TGOLN2: variants seen among roughly 807,000 people sequenced by gnomAD.
TGOLN2 encodes the protein trans-Golgi network integral membrane protein 2.
Under a neutral mutation model 31.3 loss-of-function variants are expected in TGOLN2, and 19 were observed. The observed-to-expected ratio is 0.61, with a 90% CI of 0.42 to 0.89. TGOLN2 has a LOEUF of 0.89. TGOLN2 is among the 40% of genes least tolerant of loss of function. The pLI, the probability that TGOLN2 is intolerant of heterozygous loss-of-function variation, is 0.00. For missense variants in TGOLN2, 540 were observed against 559.2 expected, an observed-to-expected ratio of 0.97 and a Z score of 0.35; for synonymous variants, 222 against 226.7, an observed-to-expected ratio of 0.98 and a Z score of 0.19.
chr2:85,327,073 C>A lies in TGOLN2; in HGVS notation c.659G>T (p.Gly220Val), dbSNP rs748222470. Residue 220 changes from glycine to valine, a missense_variant, in exon 2 of 4, where the codon GGC becomes GTC. By Grantham distance (109) the Gly-to-Val change is moderately radical. Coordinates refer to ENST00000377386, the MANE Select transcript of TGOLN2 (RefSeq NM_006464.4). ...CTCCTCTGCACCGGACTTGTTAGAG[C>A]CGTCTTTTGGAGTCTGCTTCTCCGC... Reference protein sequence around the residue: ...SGAEKQTPKDGSNKSGAEEQG... With the variant: ...SGAEKQTPKDVSNKSGAEEQG... 5 of 1,613,024 alleles carry A rather than the reference C, an allele frequency of 3.1e-6. No homozygotes were observed. The highest frequency in any genetic ancestry group is 4.2e-6 in the Non-Finnish European group (5 of 1,179,582).
chr2:85,320,790 C>T lies in TGOLN2; in HGVS notation c.*1946G>A, dbSNP rs1682520439. 6.6e-6 allele frequency: 1 copy of T among 152,206 alleles called. No individual in the cohort carries two copies. The highest frequency in any genetic ancestry group is 1.5e-5 in the Non-Finnish European group (1 of 68,042). 9.4% of individuals were successfully genotyped at this position (152,206 alleles called of 1,614,324 possible). ...AAGGCAAAGGACCATTTGTCAGAGA[C>T]ACCAAGAAAGGGGAATTTCCATTTG... On this transcript the variant is annotated 3_prime_UTR_variant, in exon 4 of 4. Transcript: ENST00000377386.
At position 85,327,604 on chromosome 2, in the gene TGOLN2, TG is replaced by T. The variant is rs1325834879; in HGVS notation, c.127del (p.His43ThrfsTer4). 1 of 1,613,798 alleles carries T rather than the reference TG, an allele frequency of 6.2e-7. No homozygotes were observed. Among genetic ancestry groups the T allele is most frequent in the East Asian group, 2.2e-5 (1 of 44,874 alleles). On this transcript the variant is annotated frameshift_variant, in exon 2 of 4. Coordinates refer to ENST00000377386, the MANE Select transcript of TGOLN2 (RefSeq NM_006464.4). LOFTEE classifies it high-confidence loss of function. ...VRPSAGNVST[H>X]PSLSQRPGGS... is the part of the protein sequence containing the mutation. ...TCCAGGCCGTTGGCTCAAGCTGGGG[TG>T]GGTGGAGACGTTTCCTGCAGAAGGC...
At chr2:85,324,664 AT>A in intron 3 of TGOLN2, 1 of 527,044 alleles carries the variant, frequency 1.9e-6, no homozygotes, top group Non-Finnish European at 3.4e-6. Flanking sequence ...GCGTGGGCCT[AT>A]TTCCTCATCT....
Position 85,326,870 on chromosome 2 carries a change from T to G in TGOLN2, c.862A>C (p.Lys288Gln), listed in dbSNP as rs767934997. ...ADTNQLADKG[K>Q]LSPHAFKTES... is the part of the protein sequence containing the mutation. ...GTTTTGAAAGCATGAGGAGAAAGCT[T>G]CCCTTTGTCAGCAAGCTGGTTTGTG... Residue 288 changes from lysine to glutamine, a missense_variant, in exon 2 of 4, where the codon AAG becomes CAG. By Grantham distance (53) the Lys-to-Gln change is moderately conservative. Coordinates refer to ENST00000377386, the MANE Select transcript of TGOLN2 (RefSeq NM_006464.4). 1 of 1,614,016 alleles carries G rather than the reference T, an allele frequency of 6.2e-7. No homozygotes were observed. The highest frequency in any genetic ancestry group is 1.1e-5 in the South Asian group (1 of 91,088).
In TGOLN2 at chr2:85,319,881, A is replaced by T. The variant is rs1001651469; in HGVS notation, c.*2855T>A. On this transcript the variant is annotated 3_prime_UTR_variant, in exon 4 of 4. Transcript: ENST00000377386. ...GTTTTCTTAGGGAGACCAGAAAGACATCAGATCCTGACTGCCCTGTTTTGC... is the reference window on the plus strand; with the variant it reads ...GTTTTCTTAGGGAGACCAGAAAGACTTCAGATCCTGACTGCCCTGTTTTGC... 4 of 152,330 alleles carry T rather than the reference A, an allele frequency of 2.6e-5. No individual in the cohort carries two copies. Among genetic ancestry groups the T allele is most frequent in the Non-Finnish European group, 5.9e-5 (4 of 68,102 alleles). The allele number at this position is 152,330 out of a possible 1,614,324, so 9.4% of individuals were successfully genotyped here.
chr2:85,325,067 G>GA (rs2104412973), intron 2 of TGOLN2, 69 bp from the exon 3 acceptor site: 1 of 1,424,626 alleles, frequency 7.0e-7, no homozygotes, highest in East Asian at 2.5e-5. Context: ...TCTGAACTCA[G>GA]AGGCAGTCAC....
chr2:85,326,973 A>G lies in TGOLN2; in HGVS notation c.759T>C (p.Val253=). The G allele has an allele frequency of 6.2e-7, 1 of 1,613,952 alleles. No individual in the cohort carries two copies. The highest frequency in any genetic ancestry group is 1.1e-5 in the South Asian group (1 of 91,074). ...GGTCTTTCCGGGAAGGCTGCTCTGGAACCACCTTGTTAGGGCTGTCTTTTG... is the reference window on the plus strand; with the variant it reads ...GGTCTTTCCGGGAAGGCTGCTCTGGGACCACCTTGTTAGGGCTGTCTTTTG... The part of the protein sequence containing the change: ...QTSKDSPNKV[V]PEQPSRKDHS... The change falls in exon 2 of 4, where the codon GTT becomes GTC. Residue 253 remains valine (V), a synonymous_variant. Coordinates refer to ENST00000377386, the MANE Select transcript of TGOLN2 (RefSeq NM_006464.4).
rs765296695 is a variant in TGOLN2 at position 85,327,443 on chromosome 2, T to C, written c.289A>G (p.Lys97Glu). 9.3e-6 allele frequency: 15 copies of C among 1,612,916 alleles called. No homozygotes were observed. In the East Asian group the frequency reaches 2.9e-4, roughly 31 times the overall value. Residue 97 changes from lysine to glutamate, a missense_variant, in exon 2 of 4, where the codon AAG becomes GAG. Physicochemically the swap from Lys to Glu is moderately conservative, Grantham distance 56. Coordinates refer to ENST00000377386, the MANE Select transcript of TGOLN2 (RefSeq NM_006464.4). Reference sequence around the variant, plus strand: ...TGGGTCTTTGCCTCCGCACCCGACTTGTTGGAGCTGTCTTTTTGGGTCTTT... The same window carrying C: ...TGGGTCTTTGCCTCCGCACCCGACTCGTTGGAGCTGTCTTTTTGGGTCTTT... Reference protein sequence around the residue: ...EAKTQKDSSNKSGAEAKTQKG... With the variant: ...EAKTQKDSSNESGAEAKTQKG...
At position 85,320,310 on chromosome 2, in the gene TGOLN2, G is replaced by C. The variant is rs1029211724; in HGVS notation, c.*2426C>G. 6.6e-6 allele frequency: 1 copy of C among 152,198 alleles called. No individual in the cohort carries two copies. The highest frequency in any genetic ancestry group is 2.4e-5 in the African/African-American group (1 of 41,450). 9.4% of individuals were successfully genotyped at this position (152,198 alleles called of 1,614,324 possible). On this transcript the variant is annotated 3_prime_UTR_variant, in exon 4 of 4. Coordinates refer to ENST00000377386, the MANE Select transcript of TGOLN2 (RefSeq NM_006464.4). The stretch of plus-strand genomic sequence containing the variant: ...GAAAGATCAGTCTTTCCAAGAGTGA[G>C]CTCCTTTCCAAGAAGCTGGACAGGA...
intron 2 of TGOLN2, 92 bp from the exon 3 acceptor site, chr2:85,325,090 T>C (rs1287555007): frequency 8.5e-7 from 1 of 1,170,422 alleles, no homozygotes; most frequent in East Asian, 2.5e-5. Flanking sequence ...GGTAGCATAT[T>C]TGTTAATGAC....
At chr2:85,326,192 C>T (rs77297769) in intron 2 of TGOLN2, among the ~76,000 whole-genome samples, 2 of 152,294 alleles carry the variant, frequency 1.3e-5, no homozygotes, top group African/African-American at 4.8e-5. Context: ...CTGTCAAGTA[C>T]TCAGGTCCTC....
chr2:85,325,231 G>A (rs966561074), intron 2 of TGOLN2, among the ~76,000 whole-genome samples: 1 of 152,186 alleles, frequency 6.6e-6, no homozygotes, highest in Non-Finnish European at 1.5e-5. Context: ...AAGGCTGTCT[G>A]AGCTCTAGCG....
intron 3 of TGOLN2, 67 bp from the exon 4 acceptor site, chr2:85,322,808 C>T: frequency 1.3e-6 from 2 of 1,581,812 alleles, no homozygotes; most frequent in Non-Finnish European, 1.7e-6. Context: ...TACTGACCCA[C>T]CACCACAGAA....
At chr2:85,325,083 A>G (rs1682685540) in intron 2 of TGOLN2, 85 bp from the exon 3 acceptor site, 3 of 1,300,038 alleles carry the variant, frequency 2.3e-6, no homozygotes, top group Non-Finnish European at 2.2e-6. Flanking sequence ...GTCACCTGGT[A>G]GCATATTTGT....
intron 2 of TGOLN2, among the ~76,000 whole-genome samples, 172 bp downstream of exon 2, chr2:85,326,336 C>T (rs1023581295): frequency 1.3e-5 from 2 of 152,158 alleles, no homozygotes; most frequent in Non-Finnish European, 2.9e-5. Flanking sequence ...AGGATGAAAA[C>T]ACGATTAACA....
rs752850040 is a variant in TGOLN2, at chr2:85,319,011, C to T, written c.*3725G>A. ...ATAGGAGGTGCCTCTTGTGGCTCCA[C>T]GTGCTTCTTACACACCACCCCCCAG... On this transcript the variant is annotated 3_prime_UTR_variant, in exon 4 of 4. Transcript: ENST00000377386. 9 of 152,236 alleles carry T rather than the reference C, an allele frequency of 5.9e-5. No homozygotes were observed. Among genetic ancestry groups the T allele is most frequent in the Admixed American group, 3.9e-4 (6 of 15,264 alleles). The allele number at this position is 152,236 out of a possible 1,614,324, so 9.4% of individuals were successfully genotyped here. A position where few individuals can be genotyped will look rare whatever the true frequency, so the allele number is the denominator to read the frequency against.
intron 3 of TGOLN2, among the ~76,000 whole-genome samples, chr2:85,323,150 T>C (rs907773657): frequency 2.0e-5 from 3 of 152,214 alleles, no homozygotes; most frequent in African/African-American, 7.2e-5. Flanking sequence ...GTATTTTTAG[T>C]AGAGATGGTA....
intron 1 of TGOLN2, 82 bp downstream of exon 1, chr2:85,327,835 A>G (rs747769898): frequency 6.5e-7 from 1 of 1,547,934 alleles, no homozygotes. Flanking sequence ...CGGGTAGGGA[A>G]GAAGCGAGCC....
At chr2:85,324,642 AAG>A (rs1454307429) in intron 3 of TGOLN2, 4 of 474,380 alleles carry the variant, frequency 8.4e-6, no homozygotes, top group Non-Finnish European at 1.5e-5. Context: ...AAAAAAAAAA[AAG>A]AGTGTTTCTG....
Sources: gnomAD v4.1 joint callset for allele counts (sites outside exome capture counted in the v4.1 genomes callset) on GRCh38, gnomAD v4.1.1 for gene constraint, MANE v1.5 for transcripts, NCBI Gene and HGNC (gene_info 2026-07-23, HGNC 2026-07-21) for gene names.